Variants in DNAJC17 observed in about 807,000 individuals in gnomAD.
The protein encoded by DNAJC17 is dnaJ homolog subfamily C member 17.
In DNAJC17, 35 loss-of-function variants were observed where a neutral mutation model predicts 48.1. The ratio of observed to expected loss-of-function variants is 0.73; its 90% CI spans 0.56 to 0.96. The LOEUF (loss-of-function observed/expected upper bound fraction) is 0.96. Among genes scored for constraint, DNAJC17 ranks in the 50% least tolerant of loss-of-function variants. DNAJC17 has a pLI of 0.00. For synonymous variants in DNAJC17, 117 were observed against 142.7 expected (o/e 0.82, Z 1.28); for missense variants, 355 against 377.1 (o/e 0.94, Z 0.48).
At position 40,807,358 on chromosome 15, in the gene DNAJC17, AC is replaced by A; in HGVS notation, c.78+10del. The A allele has an allele frequency of 1.2e-6, 2 of 1,614,236 alleles. No individual in the cohort carries two copies. Among genetic ancestry groups the A allele is most frequent in the Non-Finnish European group, 1.7e-6 (2 of 1,180,032 alleles). On this transcript the variant is annotated intron_variant, in intron 1 of 10. Transcript: ENST00000220496. Reference sequence around the variant, plus strand: ...CCTCTCAAGATCAGCCTTCCTCGCCACCGTTCTCACCTCTTTGTCCGCTGCC... The same window carrying A: ...CCTCTCAAGATCAGCCTTCCTCGCCACGTTCTCACCTCTTTGTCCGCTGCC...
rs1282112029 is a variant in DNAJC17, at chr15:40,769,255, A to T, written c.793-1193T>A. On this transcript the variant is annotated intron_variant, in intron 10 of 10. Coordinates refer to ENST00000220496, the MANE Select transcript of DNAJC17 (RefSeq NM_018163.3). The surrounding 1 kb of genome is among the most constrained non-coding windows in gnomAD (Gnocchi z 4.2). Reference sequence around the variant, plus strand: ...AGCCTCCCTGGCCCAGCCTCCTGCAAGAGAAGGAGGACCCCAGAGGAAGCC... The same window carrying T: ...AGCCTCCCTGGCCCAGCCTCCTGCATGAGAAGGAGGACCCCAGAGGAAGCC... Among the ~76,000 whole-genome samples the T allele has an allele frequency of 6.6e-6, 1 of 152,194 alleles. No individual in the cohort carries two copies. The highest frequency in any genetic ancestry group is 1.9e-4 in the East Asian group (1 of 5,202).
intron 1 of DNAJC17, among the ~76,000 whole-genome samples, chr15:40,783,583 G>T (rs981423355): frequency 2.0e-5 from 3 of 152,224 alleles, no homozygotes; most frequent in Admixed American, 2.0e-4. Flanking sequence ...AGTGGTTTAG[G>T]CTGGGCATGG....
rs1019500401 is a variant in DNAJC17, at chr15:40,774,848, C to T, written c.600+183G>A. The T allele has an allele frequency of 1.4e-5, 9 of 660,184 alleles. No individual in the cohort carries two copies. The African/African-American group carries it at 1.5e-4, about 11-fold the overall frequency. The allele number at this position is 660,184 out of a possible 1,614,324, so 40.9% of individuals were successfully genotyped here. A position where few individuals can be genotyped will look rare whatever the true frequency, so the allele number is the denominator to read the frequency against. ...CGGGCTGGAAGGGGGCACATGGCCA[C>T]ACAAGTGAAAGCAAGGCTGTAGCCT... is the stretch of plus-strand genomic sequence containing the variant. On this transcript the variant is annotated intron_variant, in intron 8 of 10. Transcript: ENST00000220496.
rs745953011 is a variant in DNAJC17, at chr15:40,766,551, G to A, written c.*1389C>T. 1 of 152,294 alleles carries A rather than the reference G, an allele frequency of 6.6e-6. No homozygotes were observed. The highest frequency in any genetic ancestry group is 1.5e-5 in the Non-Finnish European group (1 of 68,080). The allele number at this position is 152,294 out of a possible 1,614,324, so 9.4% of individuals were successfully genotyped here. ...GATCCCAGCCCCTGGGTCAAGGCTCGGGGACAGAAGCCAGCCCCCTCCCTT... is the reference window on the plus strand; with the variant it reads ...GATCCCAGCCCCTGGGTCAAGGCTCAGGGACAGAAGCCAGCCCCCTCCCTT... On this transcript the variant is annotated 3_prime_UTR_variant, in exon 11 of 11. Coordinates refer to ENST00000220496, the MANE Select transcript of DNAJC17 (RefSeq NM_018163.3).
Position 40,765,374 on chromosome 15 carries a change from T to C in DNAJC17, c.*2566A>G, listed in dbSNP as rs1348089873. 1 of 152,454 alleles carries C rather than the reference T, an allele frequency of 6.6e-6. No individual in the cohort carries two copies. The highest frequency in any genetic ancestry group is 6.5e-5 in the Admixed American group (1 of 15,272). The allele number at this position is 152,454 out of a possible 1,614,324, so 9.4% of individuals were successfully genotyped here. A position where few individuals can be genotyped will look rare whatever the true frequency, so the allele number is the denominator to read the frequency against. On this transcript the variant is annotated 3_prime_UTR_variant, in exon 11 of 11. Transcript: ENST00000220496. ...TTCCCCCAAGTCCCTCAGCCCTAGA[T>C]AACCACTAATTACCTTTCTGTGGTA...
At chr15:40,774,167 C>T in intron 9 of DNAJC17, 189 bp downstream of exon 9, 2 of 668,464 alleles carry the variant, frequency 3.0e-6, no homozygotes, top group Non-Finnish European at 5.2e-6. Flanking sequence ...GAGCACCCCC[C>T]ATCCATCCCT....
rs537871896 is a variant in DNAJC17, at chr15:40,786,931, G to A, written c.79-6934C>T. ...GTTTAATCTGTTTTTGATGTCTCAG[G>A]ATCATCATCCAGAACATCAACTACT... is the stretch of plus-strand genomic sequence containing the variant. On this transcript the variant is annotated intron_variant, in intron 1 of 10. Coordinates refer to ENST00000220496, the MANE Select transcript of DNAJC17 (RefSeq NM_018163.3). 6.2e-4 allele frequency among the ~76,000 whole-genome samples: 95 copies of A among 152,274 alleles called. No homozygotes were observed. The South Asian group carries it at 0.019, about 30-fold the overall frequency.
chr15:40,771,338 T>G, intron 10 of DNAJC17: 1 of 406,048 alleles, frequency 2.5e-6, no homozygotes, highest in Non-Finnish European at 4.7e-6. Flanking sequence ...AGGGAGGCTC[T>G]GTGCGGCACT....
intron 1 of DNAJC17, among the ~76,000 whole-genome samples, chr15:40,798,225 G>A (rs79723376): frequency 6.6e-6 from 1 of 152,152 alleles, no homozygotes; most frequent in Admixed American, 6.5e-5. Flanking sequence ...TGTTAATTAA[G>A]CGAAATAAGC....
In DNAJC17 at chr15:40,768,079, G is replaced by T. The variant is rs758406680; in HGVS notation, c.793-17C>A. The T allele has an allele frequency of 2.0e-6, 3 of 1,527,724 alleles. No individual in the cohort carries two copies. Among genetic ancestry groups the T allele is most frequent in the South Asian group, 1.3e-5 (1 of 78,074 alleles). 94.6% of individuals were successfully genotyped at this position (1,527,724 alleles called of 1,614,324 possible). Reference sequence around the variant, plus strand: ...CACTGAGCCCTGTCGGACAGGGCAGGGACAGGGAGGGGTCAGGGACAGCAG... The same window carrying T: ...CACTGAGCCCTGTCGGACAGGGCAGTGACAGGGAGGGGTCAGGGACAGCAG... On this transcript the variant is annotated splice_polypyrimidine_tract_variant and intron_variant, in intron 10 of 10. Transcript: ENST00000220496.
Position 40,780,150 on chromosome 15 carries a change from G to A in DNAJC17, c.79-153C>T, listed in dbSNP as rs1889443287. 3 of 761,030 alleles carry A rather than the reference G, an allele frequency of 3.9e-6. No homozygotes were observed. The Admixed American group carries it at 6.0e-5, about 15-fold the overall frequency. 47.1% of individuals were successfully genotyped at this position (761,030 alleles called of 1,614,324 possible). On this transcript the variant is annotated intron_variant, in intron 1 of 10. Coordinates refer to ENST00000220496, the MANE Select transcript of DNAJC17 (RefSeq NM_018163.3). ...GCCACCAGGGAGACTGGCAATGGAG[G>A]AGGCCAAGGCCATGGAGGGAGTGAG...
intron 7 of DNAJC17, 29 bp from the exon 8 acceptor site, chr15:40,775,137 T>C (rs1428703493): frequency 5.0e-6 from 8 of 1,612,282 alleles, no homozygotes; most frequent in Non-Finnish European, 6.8e-6. Context: ...GAAACACTGA[T>C]TCTTGGCTGA....
chr15:40,781,003 TG>T lies in DNAJC17; in HGVS notation c.79-1007del, dbSNP rs544567676. On this transcript the variant is annotated intron_variant, in intron 1 of 10. Coordinates refer to ENST00000220496, the MANE Select transcript of DNAJC17 (RefSeq NM_018163.3). ...CTCTACTAAAAATACAAAAATTAGC[TG>T]GGTGTGATGACATATTCCCCTGTAA... is the stretch of plus-strand genomic sequence containing the variant. Among the ~76,000 whole-genome samples, 33 of 147,140 alleles carry T rather than the reference TG, an allele frequency of 2.2e-4. No homozygotes were observed. The East Asian group carries it at 5.6e-3, about 25-fold the overall frequency.
intron 1 of DNAJC17, among the ~76,000 whole-genome samples, chr15:40,788,821 T>G (rs556585564): frequency 6.6e-6 from 1 of 152,310 alleles, no homozygotes; most frequent in East Asian, 1.9e-4. Context: ...TGCATGCCAC[T>G]GCATGCCAGC....
rs781217315 is a variant in DNAJC17 at position 40,770,574 on chromosome 15, C to A, written c.793-2512G>T. ...GAGCCTGGGGCGGCCACGGCGGCTC[C>A]GGCGACAGAGTAGTGTGCTTAGCCA... On this transcript the variant is annotated intron_variant, in intron 10 of 10. Coordinates refer to ENST00000220496, the MANE Select transcript of DNAJC17 (RefSeq NM_018163.3). The surrounding 1 kb of genome is among the most constrained non-coding windows in gnomAD (Gnocchi z 5.0). 6.4e-7 allele frequency: 1 copy of A among 1,550,638 alleles called. No individual in the cohort carries two copies. The highest frequency in any genetic ancestry group is 8.7e-7 in the Non-Finnish European group (1 of 1,146,970).
chr15:40,787,479 C>T (rs1025432445), intron 1 of DNAJC17, among the ~76,000 whole-genome samples: 4 of 152,166 alleles, frequency 2.6e-5, no homozygotes, highest in Non-Finnish European at 5.9e-5. Context: ...AATTTCTCCT[C>T]CTCCCTGCTA....
At chr15:40,776,498 T>G (rs1244441063) in intron 5 of DNAJC17, 44 bp downstream of exon 5, 3 of 1,602,742 alleles carry the variant, frequency 1.9e-6, no homozygotes, top group Non-Finnish European at 1.7e-6. Flanking sequence ...CCCCACCTCC[T>G]CCTCCTGCAG....
chr15:40,797,181 G>C (rs1369480978), intron 1 of DNAJC17, among the ~76,000 whole-genome samples: 1 of 152,104 alleles, frequency 6.6e-6, no homozygotes, highest in African/African-American at 2.4e-5. Flanking sequence ...ACCAGTCTGG[G>C]CAACATAGCA....
chr15:40,795,258 G>A, intron 1 of DNAJC17, among the ~76,000 whole-genome samples: 1 of 139,410 alleles, frequency 7.2e-6, no homozygotes, highest in African/African-American at 2.6e-5. Flanking sequence ...CAAAAAAAAG[G>A]AAGGAAGGGA....
Sources: gnomAD v4.1 joint callset for allele counts (sites outside exome capture counted in the v4.1 genomes callset) on GRCh38, gnomAD v4.1.1 for gene constraint, Gnocchi (gnomAD v3.1) non-coding constraint, MANE v1.5 for transcripts, NCBI Gene and HGNC (gene_info 2026-07-23, HGNC 2026-07-21) for gene names.